INPP5A: variants seen among roughly 807,000 people sequenced by gnomAD.
The protein encoded by INPP5A is inositol polyphosphate-5-phosphatase A, also known as 43 kDa inositol polyphosphate 5-phophatase.
In INPP5A, 14 loss-of-function variants were observed where a neutral mutation model predicts 65.2. The observed-to-expected ratio is 0.21, with a 90% CI of 0.14 to 0.34. INPP5A has a LOEUF of 0.34. Ranked by LOEUF, INPP5A falls within the 10% of genes least tolerant of loss-of-function variation. The pLI is 1.00. For synonymous variants in INPP5A, 207 were observed against 208.3 expected (o/e 0.99, Z 0.05); for missense variants, 431 against 545.6 (o/e 0.79, Z 2.09).
chr10:132,604,817 G>A lies in INPP5A; in HGVS notation c.76-3098G>A, dbSNP rs190913357. 2.6e-3 allele frequency among the ~76,000 whole-genome samples: 397 copies of A among 152,326 alleles called. 1 individual carries two copies. The highest frequency in any genetic ancestry group is 6.8e-3 in the Middle Eastern group (2 of 292). ...GAAGACAGTATTTGATCAGACCTGTGAGCAGTGAAGGCATGGGGGCTGTTG... is the reference window on the plus strand; with the variant it reads ...GAAGACAGTATTTGATCAGACCTGTAAGCAGTGAAGGCATGGGGGCTGTTG... On this transcript the variant is annotated intron_variant, in intron 1 of 15. Coordinates refer to ENST00000368594, the MANE Select transcript of INPP5A (RefSeq NM_005539.5).
intron 11 of INPP5A, among the ~76,000 whole-genome samples, chr10:132,756,207 A>G (rs1192857909): frequency 6.6e-6 from 1 of 152,016 alleles, no homozygotes; most frequent in African/African-American, 2.4e-5. Context: ...GTGTGCGTGT[A>G]CATGTGTGCA....
chr10:132,569,114 C>G (rs1038961570), intron 1 of INPP5A, among the ~76,000 whole-genome samples: 4 of 151,802 alleles, frequency 2.6e-5, no homozygotes, highest in African/African-American at 9.7e-5. Context: ...CAGGGTTTCT[C>G]CATGTTGGTC....
chr10:132,656,331 T>C (rs144606651), intron 4 of INPP5A, among the ~76,000 whole-genome samples: 2 of 152,350 alleles, frequency 1.3e-5, no homozygotes, highest in Non-Finnish European at 2.9e-5. Context: ...TGCCTTTTAA[T>C]GGCTTAAAGT....
chr10:132,774,785 G>A (rs988218707), intron 12 of INPP5A, among the ~76,000 whole-genome samples: 1 of 150,948 alleles, frequency 6.6e-6, no homozygotes, highest in South Asian at 2.1e-4. Context: ...GCTGCTGCCC[G>A]CATCCTACAG....
chr10:132,764,364 C>T (rs1011566199), intron 11 of INPP5A, among the ~76,000 whole-genome samples: 3 of 152,112 alleles, frequency 2.0e-5, no homozygotes, highest in East Asian at 1.9e-4. Context: ...GGAACATGGC[C>T]GGGCCAGTCC....
intron 4 of INPP5A, among the ~76,000 whole-genome samples, chr10:132,672,017 G>T (rs974022635): frequency 6.6e-6 from 1 of 152,210 alleles, no homozygotes; most frequent in East Asian, 1.9e-4. Flanking sequence ...TAAACTGTAG[G>T]TTTTAAAGCT....
chr10:132,749,589 C>T lies in INPP5A; in HGVS notation c.805C>T (p.Arg269Cys), dbSNP rs375440993. 20 of 1,612,910 alleles carry T rather than the reference C, an allele frequency of 1.2e-5. No individual in the cohort carries two copies. The highest frequency in any genetic ancestry group is 7.7e-5 in the South Asian group (7 of 91,090). Residue 269 changes from arginine to cysteine, a missense_variant, in exon 10 of 16, where the codon CGT becomes TGT. By Grantham distance (180) the Arg-to-Cys change is radical. Coordinates refer to ENST00000368594, the MANE Select transcript of INPP5A (RefSeq NM_005539.5). ...DTNEVVKLIF[R>C]ESDNDRKVML... Reference sequence around the variant, plus strand: ...CAATGAAGTGGTGAAGCTCATATTTCGTGAGTCGGACAACGACCGGAAGGT... The same window carrying T: ...CAATGAAGTGGTGAAGCTCATATTTTGTGAGTCGGACAACGACCGGAAGGT...
intron 11 of INPP5A, among the ~76,000 whole-genome samples, chr10:132,764,903 GGTCGGGCC>G (rs1846812417): frequency 7.2e-6 from 1 of 139,380 alleles, no homozygotes; most frequent in East Asian, 2.2e-4. Context: ...TCAGGAACAC[GGTCGGGCC>G]AGTCCTGCAG....
chr10:132,608,380 C>T (rs1042120494), intron 2 of INPP5A, among the ~76,000 whole-genome samples: 3 of 152,240 alleles, frequency 2.0e-5, no homozygotes, highest in African/African-American at 7.2e-5. Flanking sequence ...GGGAGGCGAC[C>T]GGTTGGAGGG....
intron 1 of INPP5A, among the ~76,000 whole-genome samples, chr10:132,586,433 A>C (rs2071545445): frequency 6.6e-6 from 1 of 152,218 alleles, no homozygotes; most frequent in Non-Finnish European, 1.5e-5. Flanking sequence ...CCTTCCCCAC[A>C]GAGTGCCGCA....
At chr10:132,583,491 A>G (rs2071511314) in intron 1 of INPP5A, among the ~76,000 whole-genome samples, 1 of 151,998 alleles carries the variant, frequency 6.6e-6, no homozygotes, top group Non-Finnish European at 1.5e-5. Flanking sequence ...TTTCGGGGAA[A>G]GTATTGAGTG....
At chr10:132,560,337 TGCCAGACTCTTTCCACA>T (rs2071187117) in intron 1 of INPP5A, among the ~76,000 whole-genome samples, 1 of 152,214 alleles carries the variant, frequency 6.6e-6, no homozygotes, top group Admixed American at 6.5e-5. Context: ...TTTAAGGAAC[TGCCAGACTCTTTCCACA>T]GCAGCTGCAG....
In INPP5A at chr10:132,697,848, A is replaced by G. The variant is rs1845370487; in HGVS notation, c.403A>G (p.Ile135Val). 3.1e-6 allele frequency: 5 copies of G among 1,613,814 alleles called. No homozygotes were observed. The highest frequency in any genetic ancestry group is 3.4e-6 in the Non-Finnish European group (4 of 1,179,786). Residue 135 changes from isoleucine to valine, a missense_variant, in exon 6 of 16, where the codon ATC (isoleucine) becomes GTC (valine). By Grantham distance (29) the Ile-to-Val change is conservative. Transcript: ENST00000368594. This position sits in a 1 kb window ranked among gnomAD's most constrained non-coding sequence, Gnocchi z 5.6. ...KKYRKVAGKE[I>V]YSDTLESTPM... is the part of the protein sequence containing the mutation. ...GTATAGAAAGGTCGCTGGCAAAGAG[A>G]TCTACTCGGATACCTTAGAGAGCAC...
At chr10:132,755,322 C>T (rs1235203576) in intron 11 of INPP5A, among the ~76,000 whole-genome samples, 5 of 138,882 alleles carry the variant, frequency 3.6e-5, no homozygotes, top group South Asian at 4.8e-4. Context: ...TTTGAGTGGG[C>T]GAGTGTGTGA....
intron 8 of INPP5A, among the ~76,000 whole-genome samples, chr10:132,712,552 ATG>A (rs1422105204): frequency 6.9e-5 from 10 of 144,842 alleles, no homozygotes; most frequent in Non-Finnish European, 1.2e-4. Context: ...ACGTGGACAC[ATG>A]TGAGTGCACT....
At chr10:132,571,123 C>T (rs895969387) in intron 1 of INPP5A, among the ~76,000 whole-genome samples, 22 of 152,270 alleles carry the variant, frequency 1.4e-4, no homozygotes, top group African/African-American at 4.1e-4. Context: ...CCGTGGGCTC[C>T]GCCCTGGGCC....
intron 1 of INPP5A, among the ~76,000 whole-genome samples, chr10:132,606,702 C>T (rs1397238898): frequency 2.0e-5 from 3 of 152,204 alleles, no homozygotes; most frequent in Middle Eastern, 3.2e-3. Flanking sequence ...TTTGCGTGGG[C>T]GCGGAGTCTG....
At chr10:132,624,445 GTGCACTTCCCACCAGCGTGTC>G (rs1456732216) in intron 2 of INPP5A, among the ~76,000 whole-genome samples, 271 of 150,812 alleles carry the variant, frequency 1.8e-3, no homozygotes, top group Middle Eastern at 0.01. Flanking sequence ...ACACCGGCAC[GTGCACTTCCCACCAGCGTGTC>G]TGCACTTCCC....
chr10:132,761,432 T>G (rs1214622977), intron 11 of INPP5A, among the ~76,000 whole-genome samples: 1 of 152,068 alleles, frequency 6.6e-6, no homozygotes, highest in African/African-American at 2.4e-5. Flanking sequence ...ATCCCTGCCA[T>G]GGAGCTCTGG....
Sources: allele counts gnomAD v4.1 joint callset (sites outside exome capture counted in the v4.1 genomes callset), GRCh38; gene constraint gnomAD v4.1.1; non-coding constraint Gnocchi (gnomAD v3.1); transcripts MANE v1.5; gene names NCBI Gene and HGNC (gene_info 2026-07-23, HGNC 2026-07-21).